RXRG: variants seen among roughly 807,000 people sequenced by gnomAD.
The protein encoded by RXRG is retinoid X receptor gamma.
A neutral mutation model predicts 49.2 loss-of-function variants in RXRG; 19 were observed. That is an observed-to-expected ratio of 0.39 (90% confidence interval 0.27 to 0.57). RXRG has a LOEUF of 0.57. Ranked by LOEUF, RXRG falls within the 20% of genes least tolerant of loss-of-function variation. RXRG has a pLI of 0.64. For synonymous variants in RXRG, 224 were observed against 216.6 expected, an observed-to-expected ratio of 1.03 and a Z score of -0.30; for missense variants, 452 against 592.5, an observed-to-expected ratio of 0.76 and a Z score of 2.46.
intron 1 of RXRG, among the ~76,000 whole-genome samples, chr1:165,440,996 C>T (rs1232567105): frequency 1.3e-5 from 2 of 152,208 alleles, no homozygotes; most frequent in African/African-American, 2.4e-5. Context: ...ACCACTTATG[C>T]CCATGATAGG....
intron 2 of RXRG, chr1:165,424,898 A>G (rs1430383476): frequency 2.0e-6 from 2 of 985,414 alleles, no homozygotes; most frequent in Non-Finnish European, 2.4e-6. Flanking sequence ...CCTTTTTTCC[A>G]GTGTCATCTC....
intron 1 of RXRG, among the ~76,000 whole-genome samples, chr1:165,443,374 G>A (rs918289933): frequency 9.2e-5 from 14 of 152,140 alleles, no homozygotes; most frequent in Non-Finnish European, 4.4e-5. Context: ...ACTGAGGTGG[G>A]AATTGAGGAG....
chr1:165,404,733 A>C (rs1261871782), intron 9 of RXRG, among the ~76,000 whole-genome samples: 1 of 152,120 alleles, frequency 6.6e-6, no homozygotes, highest in Non-Finnish European at 1.5e-5. Flanking sequence ...ATTTACAATA[A>C]GTTCTTATTA....
chr1:165,426,955 G>T (rs6689518), intron 2 of RXRG, among the ~76,000 whole-genome samples: 77,287 of 151,854 alleles, frequency 0.51, 21,911 homozygotes, highest in Middle Eastern at 0.65. Flanking sequence ...CAGTTCAAAG[G>T]TCATCAGACA....
chr1:165,420,133 G>T, intron 2 of RXRG, 119 bp from the exon 3 acceptor site: 1 of 790,898 alleles, frequency 1.3e-6, no homozygotes, highest in Non-Finnish European at 1.8e-6. Context: ...CAGTTTCCAA[G>T]TACAGAGTAT....
At chr1:165,427,810 T>C (rs529842654) in intron 2 of RXRG, among the ~76,000 whole-genome samples, 1 of 152,298 alleles carries the variant, frequency 6.6e-6, no homozygotes, top group South Asian at 2.1e-4. Context: ...GGCTTCACTG[T>C]GCTTTCTGGA....
chr1:165,425,693 C>A lies in RXRG; in HGVS notation c.297+3026G>T, dbSNP rs1358492430. ...TGGCATAAATACATGTACACCCCCA[C>A]TGCTGCCCCATCCCCACTCCTCTGA... On this transcript the variant is annotated intron_variant, in intron 2 of 9. Coordinates refer to ENST00000359842, the MANE Select transcript of RXRG (RefSeq NM_006917.5). 1.3e-5 allele frequency among the ~76,000 whole-genome samples: 2 copies of A among 152,220 alleles called. 1 individual carries two copies. The highest frequency in any genetic ancestry group is 2.9e-5 in the Non-Finnish European group (2 of 68,046).
rs1334074378 is a variant in RXRG at position 165,401,507 on chromosome 1, A to G, written c.1245-97T>C. 6 of 1,391,076 alleles carry G rather than the reference A, an allele frequency of 4.3e-6. No individual in the cohort carries two copies. In the African/African-American group the frequency reaches 7.1e-5, roughly 17 times the overall value. 86.2% of individuals were successfully genotyped at this position (1,391,076 alleles called of 1,614,324 possible). A position where few individuals can be genotyped will look rare whatever the true frequency, so the allele number is the denominator to read the frequency against. Reference sequence around the variant, plus strand: ...GCCGTCCAATTGGCCTTCTCGACCCATCTGTGATAAAAGAGCTGGAAGGGT... The same window carrying G: ...GCCGTCCAATTGGCCTTCTCGACCCGTCTGTGATAAAAGAGCTGGAAGGGT... On this transcript the variant is annotated intron_variant, in intron 9 of 9. Transcript: ENST00000359842.
intron 1 of RXRG, among the ~76,000 whole-genome samples, chr1:165,444,392 G>A (rs1400734200): frequency 1.3e-5 from 2 of 152,190 alleles, no homozygotes; most frequent in Non-Finnish European, 1.5e-5. Flanking sequence ...TCATGCCCTT[G>A]TTACAAAGTA....
chr1:165,442,121 C>T (rs1659026277), intron 1 of RXRG, among the ~76,000 whole-genome samples: 2 of 152,152 alleles, frequency 1.3e-5, no homozygotes. Flanking sequence ...GGTTATACAC[C>T]AAGTATTTTA....
intron 3 of RXRG, 124 bp downstream of exon 3, chr1:165,419,746 T>G (rs974290451): frequency 1.4e-6 from 1 of 714,408 alleles, no homozygotes; most frequent in Non-Finnish European, 2.2e-6. Flanking sequence ...AACGTATAGG[T>G]GGGTCCCCAG....
chr1:165,401,974 C>T (rs1177414429), intron 9 of RXRG, among the ~76,000 whole-genome samples: 2 of 152,246 alleles, frequency 1.3e-5, no homozygotes, highest in African/African-American at 4.8e-5. Flanking sequence ...ACCTGAGTAC[C>T]TAGGCTCAAG....
chr1:165,440,006 G>C (rs1658931299), intron 1 of RXRG, among the ~76,000 whole-genome samples: 1 of 152,198 alleles, frequency 6.6e-6, no homozygotes, highest in South Asian at 2.1e-4. Flanking sequence ...ACCCAAACTA[G>C]GGGTTGAATT....
intron 9 of RXRG, 133 bp from the exon 10 acceptor site, chr1:165,401,543 G>A: frequency 1.1e-6 from 1 of 947,882 alleles, no homozygotes; most frequent in Non-Finnish European, 1.6e-6. Context: ...AGACAAGGGG[G>A]TCACAGAATC....
Position 165,420,023 on chromosome 1 carries a change from G to GA in RXRG, c.298-10dup, listed in dbSNP as rs779892873. On this transcript the variant is annotated splice_polypyrimidine_tract_variant and intron_variant, in intron 2 of 9. Transcript: ENST00000359842. ...CTGTTGACCACATTTAGCTGCAAGA[G>GA]AAAAAAATACTGTAAAGCACAGAGC... 6.9e-6 allele frequency: 11 copies of GA among 1,583,750 alleles called. No homozygotes were observed. The highest frequency in any genetic ancestry group is 1.4e-5 in the African/African-American group (1 of 73,552).
chr1:165,411,184 G>C, intron 4 of RXRG, 75 bp from the exon 5 acceptor site: 2 of 1,432,782 alleles, frequency 1.4e-6, no homozygotes, highest in Non-Finnish European at 1.9e-6. Context: ...ACCCACATGA[G>C]CCTCAATTTA....
chr1:165,436,329 C>G (rs1658815185), intron 1 of RXRG, among the ~76,000 whole-genome samples: 1 of 152,186 alleles, frequency 6.6e-6, no homozygotes, highest in Admixed American at 6.5e-5. Flanking sequence ...GTCCTCCTCC[C>G]ACCCTTTGGT....
At chr1:165,407,134 G>A (rs1385798420) in intron 8 of RXRG, among the ~76,000 whole-genome samples, 2 of 152,070 alleles carry the variant, frequency 1.3e-5, no homozygotes, top group Non-Finnish European at 2.9e-5. Flanking sequence ...CCATGAATAG[G>A]CAAATGTACC....
Position 165,429,593 on chromosome 1 carries a change from T to C in RXRG, c.50-627A>G, listed in dbSNP as rs145019826. On this transcript the variant is annotated intron_variant, in intron 1 of 9. Coordinates refer to ENST00000359842, the MANE Select transcript of RXRG (RefSeq NM_006917.5). ...TTCCTATATCTATTGAAGCTTTATG[T>C]ACATGATGTTCTTTTCCTGTCCCTC... is the stretch of plus-strand genomic sequence containing the variant. 3.8e-3 allele frequency among the ~76,000 whole-genome samples: 583 copies of C among 152,328 alleles called. 1 individual carries two copies. Among genetic ancestry groups the C allele is most frequent in the South Asian group, 0.027 (130 of 4,828 alleles).
Sources: gnomAD v4.1 joint callset for allele counts (sites outside exome capture counted in the v4.1 genomes callset) on GRCh38, gnomAD v4.1.1 for gene constraint, MANE v1.5 for transcripts, NCBI Gene and HGNC (gene_info 2026-07-23, HGNC 2026-07-21) for gene names.